NMT2: variants seen among roughly 807,000 people sequenced by gnomAD.
The protein encoded by NMT2 is N-myristoyltransferase 2, also known as glycylpeptide N-tetradecanoyltransferase 2.
Under a neutral mutation model 65.4 loss-of-function variants are expected in NMT2, and 35 were observed. That is an observed-to-expected ratio of 0.54 (90% confidence interval 0.41 to 0.71). The LOEUF is 0.71. Ranked by LOEUF, NMT2 falls within the 30% of genes least tolerant of loss-of-function variation. The pLI, the probability that NMT2 is intolerant of heterozygous loss-of-function variation, is 0.00. For missense variants in NMT2, 489 were observed against 611.3 expected (o/e 0.80, Z 2.11); for synonymous variants, 226 against 231.8 (o/e 0.98, Z 0.23).
intron 1 of NMT2, among the ~76,000 whole-genome samples, chr10:15,159,993 G>A (rs968328114): frequency 3.3e-5 from 5 of 152,168 alleles, no homozygotes; most frequent in Non-Finnish European, 5.9e-5. Flanking sequence ...CATAGTGGCT[G>A]CGGAAGGCTT....
At chr10:15,149,084 T>C (rs1024374702) in intron 1 of NMT2, among the ~76,000 whole-genome samples, 2 of 150,326 alleles carry the variant, frequency 1.3e-5, no homozygotes, top group African/African-American at 2.4e-5. Context: ...ATCATCACCA[T>C]CACCATATCA....
intron 2 of NMT2, among the ~76,000 whole-genome samples, chr10:15,138,611 T>TGGAAA (rs1846607661): frequency 6.6e-6 from 1 of 152,224 alleles, no homozygotes; most frequent in African/African-American, 2.4e-5. Context: ...TTTTCCAAAT[T>TGGAAA]TAATAGTACC....
intron 1 of NMT2, among the ~76,000 whole-genome samples, chr10:15,162,758 A>ATTT (rs1303031014): frequency 2.0e-5 from 3 of 148,318 alleles, no homozygotes; most frequent in Non-Finnish European, 4.5e-5. Flanking sequence ...ATATATATAT[A>ATTT]TATTTTATTT....
chr10:15,112,160 C>CTAAGATATGGGCT (rs1845539443), intron 10 of NMT2, among the ~76,000 whole-genome samples: 1 of 108,032 alleles, frequency 9.3e-6, no homozygotes, highest in Non-Finnish European at 1.8e-5. Flanking sequence ...ATATTACTTC[C>CTAAGATATGGGCT]TAAGATATGG....
chr10:15,168,298 A>T, intron 1 of NMT2: 1 of 117,742 alleles, frequency 8.5e-6, no homozygotes, highest in Non-Finnish European at 1.6e-5. Flanking sequence ...CTCCCCGCCC[A>T]CCCCGGGCCT....
At chr10:15,141,117 CA>C (rs1267347224) in intron 2 of NMT2, 130 of 1,228,504 alleles carry the variant, frequency 1.1e-4, no homozygotes, top group Non-Finnish European at 1.5e-4. Context: ...AGTGTAATTT[CA>C]AAAAAACCTA....
chr10:15,144,116 TA>T (rs1163599926), intron 1 of NMT2, among the ~76,000 whole-genome samples: 1 of 152,186 alleles, frequency 6.6e-6, no homozygotes, highest in Non-Finnish European at 1.5e-5. Flanking sequence ...TGCTAAAATT[TA>T]TATTCTTATT....
intron 1 of NMT2, among the ~76,000 whole-genome samples, chr10:15,145,066 TA>T (rs200283331): frequency 6.6e-6 from 1 of 151,694 alleles, no homozygotes; most frequent in African/African-American, 2.4e-5. Context: ...TATTCAGCAA[TA>T]AAAAAAACAA....
intron 1 of NMT2, among the ~76,000 whole-genome samples, chr10:15,165,185 C>G (rs1284042403): frequency 6.9e-6 from 1 of 144,368 alleles, no homozygotes; most frequent in African/African-American, 2.7e-5. Flanking sequence ...AAAAATCATC[C>G]TCCAGGTCAC....
chr10:15,115,225 TCTC>T (rs1484235624), intron 9 of NMT2, among the ~76,000 whole-genome samples: 1 of 152,102 alleles, frequency 6.6e-6, no homozygotes, highest in African/African-American at 2.4e-5. Flanking sequence ...AAATTATGCT[TCTC>T]CTCAAGCATC....
At chr10:15,121,238 A>C (rs1420172634) in intron 8 of NMT2, among the ~76,000 whole-genome samples, 1 of 152,242 alleles carries the variant, frequency 6.6e-6, no homozygotes, top group East Asian at 1.9e-4. Context: ...TTCTGCCCTA[A>C]ATGATTATTT....
intron 2 of NMT2, among the ~76,000 whole-genome samples, chr10:15,137,220 T>C (rs1023857307): frequency 2.6e-5 from 4 of 152,234 alleles, no homozygotes; most frequent in African/African-American, 7.2e-5. Flanking sequence ...GTTTGTTTCA[T>C]ACAAACACTG....
chr10:15,125,050 C>A (rs1381724938), intron 8 of NMT2, among the ~76,000 whole-genome samples: 1 of 152,158 alleles, frequency 6.6e-6, no homozygotes, highest in Non-Finnish European at 1.5e-5. Context: ...AACAGGGAAA[C>A]ATGGAGGTCT....
chr10:15,143,501 GGA>G (rs1422685929), intron 1 of NMT2, among the ~76,000 whole-genome samples: 31 of 152,356 alleles, frequency 2.0e-4, no homozygotes, highest in African/African-American at 7.2e-4. Context: ...TGACTGGGAA[GGA>G]CGCTTTGAAG....
chr10:15,134,354 G>C (rs114314136), intron 3 of NMT2, among the ~76,000 whole-genome samples: 2 of 152,278 alleles, frequency 1.3e-5, no homozygotes, highest in African/African-American at 4.8e-5. Flanking sequence ...CATGATGACC[G>C]GGGCAGGCCT....
In NMT2 at chr10:15,141,368, A is replaced by C. The variant is rs1846750013; in HGVS notation, c.246+54T>G. On this transcript the variant is annotated intron_variant, in intron 2 of 11. Transcript: ENST00000378165. ...TGCAGCAGCGCGCTAAACTGCGTAAACCCACTCATGCACGAGAAACCACAC... is the reference window on the plus strand; with the variant it reads ...TGCAGCAGCGCGCTAAACTGCGTAACCCCACTCATGCACGAGAAACCACAC... 1.9e-6 allele frequency: 3 copies of C among 1,607,276 alleles called. No homozygotes were observed. In the African/African-American group the frequency reaches 4.0e-5, roughly 22 times the overall value.
chr10:15,106,631 T>C lies in NMT2; in HGVS notation c.*2564A>G, dbSNP rs1304950856. The C allele has an allele frequency of 1.0e-6, 1 of 985,382 alleles. No individual in the cohort carries two copies. The highest frequency in any genetic ancestry group is 1.2e-6 in the Non-Finnish European group (1 of 829,898). The allele number at this position is 985,382 out of a possible 1,614,324, so 61.0% of individuals were successfully genotyped here. On this transcript the variant is annotated 3_prime_UTR_variant, in exon 12 of 12. Transcript: ENST00000378165. ...GATGTCACAGCTGTGGGTTGGTCTTTAGAATCACGGCAACCTATAGAAAGG... is the reference window on the plus strand; with the variant it reads ...GATGTCACAGCTGTGGGTTGGTCTTCAGAATCACGGCAACCTATAGAAAGG...
rs147115095 is a variant in NMT2, at chr10:15,123,850, T to C, written c.1000-4337A>G. On this transcript the variant is annotated intron_variant, in intron 8 of 11. Coordinates refer to ENST00000378165, the MANE Select transcript of NMT2 (RefSeq NM_004808.3). ...GATTGAAATCTGTGTAAAATCTGCT[T>C]ATAAGTACATAAGGAAATGAAGCTC... Among the ~76,000 whole-genome samples, 5 of 152,312 alleles carry C rather than the reference T, an allele frequency of 3.3e-5. No individual in the cohort carries two copies. In the East Asian group the frequency reaches 9.6e-4, roughly 29 times the overall value.
intron 2 of NMT2, among the ~76,000 whole-genome samples, chr10:15,140,511 T>A (rs934910672): frequency 2.6e-5 from 4 of 152,092 alleles, no homozygotes; most frequent in Non-Finnish European, 5.9e-5. Flanking sequence ...CTTTCTTTTC[T>A]TTCTTTTTCT....
Sources: gnomAD v4.1 joint callset for allele counts (sites outside exome capture counted in the v4.1 genomes callset) on GRCh38, gnomAD v4.1.1 for gene constraint, MANE v1.5 for transcripts, NCBI Gene and HGNC (gene_info 2026-07-23, HGNC 2026-07-21) for gene names.